Variants in COL4A1 observed in about 807,000 individuals in gnomAD.
The protein encoded by COL4A1 is collagen alpha-1(IV) chain.
COL4A1 carries 40 observed loss-of-function variants against 216.6 expected under a neutral mutation model. The ratio of observed to expected loss-of-function variants is 0.18; its 90% CI spans 0.14 to 0.24. COL4A1 has a LOEUF of 0.24. COL4A1 is among the 10% of genes least tolerant of loss of function. The pLI is 1.00. For missense variants in COL4A1, 1,628 were observed against 2,196.8 expected (o/e 0.74, Z 5.18); for synonymous variants, 839 against 810.7 (o/e 1.03, Z -0.59).
Position 110,307,112 on chromosome 13 carries a change from C to CG in COL4A1, c.-86_-85insC. On this transcript the variant is annotated 5_prime_UTR_variant, in exon 1 of 52. Coordinates refer to ENST00000375820, the MANE Select transcript of COL4A1 (RefSeq NM_001845.6). This position sits in a 1 kb window ranked among gnomAD's most constrained non-coding sequence, Gnocchi z 5.0. ...GCTAGCTCTCGGAAGGCCGGACTTC[C>CG]AGCGCTACGCACCGTCCCGGGTGCG... 1.8e-6 allele frequency: 2 copies of CG among 1,127,034 alleles called. No individual in the cohort carries two copies. Among genetic ancestry groups the CG allele is most frequent in the Non-Finnish European group, 1.2e-6 (1 of 845,922 alleles). The allele number at this position is 1,127,034 out of a possible 1,614,324, so 69.8% of individuals were successfully genotyped here. A position where few individuals can be genotyped will look rare whatever the true frequency, so the allele number is the denominator to read the frequency against.
intron 40 of COL4A1, 107 bp from the exon 41 acceptor site, chr13:110,172,877 A>G (rs1479324408): frequency 1.1e-6 from 1 of 900,382 alleles, no homozygotes; most frequent in Non-Finnish European, 1.9e-6. Context: ...TATATTGTGG[A>G]GTACATAGAT....
At chr13:110,188,513 T>C (rs1977893) in intron 24 of COL4A1, among the ~76,000 whole-genome samples, 54,203 of 152,088 alleles carry the variant, frequency 0.36, 9,695 homozygotes, top group East Asian at 0.46. Context: ...AACCAGGACA[T>C]AGCAGAGGAA....
At chr13:110,278,552 T>C (rs1050875378) in intron 1 of COL4A1, among the ~76,000 whole-genome samples, 4 of 152,174 alleles carry the variant, frequency 2.6e-5, no homozygotes, top group Non-Finnish European at 4.4e-5. Context: ...TATATATATA[T>C]ACACATATAT....
intron 1 of COL4A1, among the ~76,000 whole-genome samples, chr13:110,291,657 G>A (rs1052183250): frequency 2.6e-5 from 4 of 152,218 alleles, no homozygotes; most frequent in African/African-American, 4.8e-5. Flanking sequence ...CAAGTACATC[G>A]CACCTTTTCA....
intron 2 of COL4A1, among the ~76,000 whole-genome samples, chr13:110,229,644 G>A (rs905131655): frequency 6.6e-6 from 1 of 152,130 alleles, no homozygotes; most frequent in Non-Finnish European, 1.5e-5. Context: ...CAGAATTAGT[G>A]TTCTTAGAAA....
chr13:110,271,099 G>T (rs1485819389), intron 1 of COL4A1, among the ~76,000 whole-genome samples: 1 of 152,162 alleles, frequency 6.6e-6, no homozygotes, highest in African/African-American at 2.4e-5. Flanking sequence ...CAATCATCAA[G>T]CCCATTCTGA....
At chr13:110,257,276 G>A (rs377030975) in intron 1 of COL4A1, among the ~76,000 whole-genome samples, 11 of 152,216 alleles carry the variant, frequency 7.2e-5, no homozygotes, top group Admixed American at 3.9e-4. Context: ...GAGATCCTGC[G>A]GCAAACCTTC....
chr13:110,242,015 C>A (rs1432354003), intron 2 of COL4A1, among the ~76,000 whole-genome samples: 1 of 152,206 alleles, frequency 6.6e-6, no homozygotes, highest in Non-Finnish European at 1.5e-5. Flanking sequence ...CGGTGACCCA[C>A]AGACAGTACC....
At chr13:110,240,862 TTTTTTGG>T (rs553289878) in intron 2 of COL4A1, among the ~76,000 whole-genome samples, 16,788 of 152,110 alleles carry the variant, frequency 0.11, 1,107 homozygotes, top group South Asian at 0.17. Context: ...AAGTTACAAG[TTTTTTGG>T]TTTTTGGTTT....
rs778216381 is a variant in COL4A1, at chr13:110,205,345, G to T, written c.957+8C>A. 1.2e-6 allele frequency: 2 copies of T among 1,614,076 alleles called. No individual in the cohort carries two copies. The highest frequency in any genetic ancestry group is 8.5e-7 in the Non-Finnish European group (1 of 1,180,014). The stretch of plus-strand genomic sequence containing the variant: ...AAGATAAAGGCTCACAATAGTGCCA[G>T]CGTTTACCTGCGGGCCCTGGCGGCC... On this transcript the variant is annotated splice_region_variant and intron_variant, in intron 17 of 51. Coordinates refer to ENST00000375820, the MANE Select transcript of COL4A1 (RefSeq NM_001845.6).
At position 110,211,947 on chromosome 13, in the gene COL4A1, C is replaced by G; in HGVS notation, c.388-25G>C. 1.2e-6 allele frequency: 2 copies of G among 1,612,454 alleles called. No individual in the cohort carries two copies. Among genetic ancestry groups the G allele is most frequent in the Non-Finnish European group, 1.7e-6 (2 of 1,178,486 alleles). On this transcript the variant is annotated intron_variant, in intron 6 of 51. Coordinates refer to ENST00000375820, the MANE Select transcript of COL4A1 (RefSeq NM_001845.6). The surrounding 1 kb of genome is among the most constrained non-coding windows in gnomAD (Gnocchi z 4.3). ...CCTGGGGAGACAGCAGAGCATCATT[C>G]ATACGCACTGTGTGTGGCAGACACA...
At position 110,207,601 on chromosome 13, in the gene COL4A1, T is replaced by C. The variant is rs981187956; in HGVS notation, c.694-112A>G. The C allele has an allele frequency of 1.2e-6, 1 of 804,176 alleles. No homozygotes were observed. 49.8% of individuals were successfully genotyped at this position (804,176 alleles called of 1,614,324 possible). On this transcript the variant is annotated intron_variant, in intron 12 of 51. Transcript: ENST00000375820. This position sits in a 1 kb window ranked among gnomAD's most constrained non-coding sequence, Gnocchi z 4.4. ...TAAAACACCTATTTTTAAAATGTAA[T>C]TATACTCTATTCTGTTCTAATCATC...
At chr13:110,292,067 G>A (rs952341746) in intron 1 of COL4A1, among the ~76,000 whole-genome samples, 1 of 152,154 alleles carries the variant, frequency 6.6e-6, no homozygotes, top group Non-Finnish European at 1.5e-5. Flanking sequence ...CTTTCCGACC[G>A]ATTTTCCCAC....
intron 2 of COL4A1, among the ~76,000 whole-genome samples, chr13:110,214,349 A>C (rs1242015738): frequency 1.3e-5 from 2 of 152,118 alleles, no homozygotes; most frequent in Non-Finnish European, 2.9e-5. Flanking sequence ...CTCGGCCACC[A>C]AAAGTGCTGG....
chr13:110,299,982 A>C (rs915749399), intron 1 of COL4A1, among the ~76,000 whole-genome samples: 4 of 152,242 alleles, frequency 2.6e-5, no homozygotes, highest in African/African-American at 9.6e-5. Flanking sequence ...CTGTGCTCAG[A>C]AATCAGGCAT....
intron 37 of COL4A1, 54 bp from the exon 38 acceptor site, chr13:110,174,803 T>C: frequency 6.6e-7 from 1 of 1,514,888 alleles, no homozygotes; most frequent in Non-Finnish European, 9.2e-7. Flanking sequence ...GGCATGCATC[T>C]GTAGGCATGT....
At chr13:110,196,460 T>C (rs1429194383) in intron 21 of COL4A1, among the ~76,000 whole-genome samples, 1 of 152,204 alleles carries the variant, frequency 6.6e-6, no homozygotes, top group Non-Finnish European at 1.5e-5. Flanking sequence ...GGTATACTAA[T>C]TCCTTGACTC....
chr13:110,191,633 T>C (rs990365882), intron 24 of COL4A1: 4 of 690,244 alleles, frequency 5.8e-6, no homozygotes, highest in East Asian at 2.7e-5. Flanking sequence ...ATTTCATTTA[T>C]GGATTTGAAA....
At chr13:110,198,297 C>T (rs1329145537) in intron 21 of COL4A1, among the ~76,000 whole-genome samples, 170 bp downstream of exon 21, 2 of 152,160 alleles carry the variant, frequency 1.3e-5, no homozygotes, top group African/African-American at 4.8e-5. Context: ...CTTTTTGTAG[C>T]ATGGTTCATT....
Sources: allele counts gnomAD v4.1 joint callset (sites outside exome capture counted in the v4.1 genomes callset), GRCh38; gene constraint gnomAD v4.1.1; non-coding constraint Gnocchi (gnomAD v3.1); transcripts MANE v1.5; gene names NCBI Gene and HGNC (gene_info 2026-07-23, HGNC 2026-07-21).